The following CSMD1 variants were observed in gnomAD, a reference collection of about 807,000 sequenced individuals.
The protein encoded by CSMD1 is CUB and Sushi multiple domains 1.
CSMD1 carries 213 observed loss-of-function variants against 417.5 expected under a neutral mutation model. The ratio of observed to expected loss-of-function variants is 0.51; its 90% CI spans 0.46 to 0.57. CSMD1 has a LOEUF of 0.57. CSMD1 is among the 20% of genes least tolerant of loss of function. CSMD1 has a pLI of 0.00. For missense variants in CSMD1, 6,923 were observed against 4,529.7 expected, an observed-to-expected ratio of 1.53 and a Z score of -15.17; for synonymous variants, 2,862 against 1,736.8, an observed-to-expected ratio of 1.65 and a Z score of -16.11.
intron 8 of CSMD1, among the ~76,000 whole-genome samples, chr8:3,590,061 T>C (rs1335819080): frequency 1.3e-5 from 2 of 151,600 alleles, no homozygotes; most frequent in Admixed American, 1.3e-4. Flanking sequence ...CATCGCTTTA[T>C]AAAAGGCAAA....
At chr8:4,250,064 G>C (rs1256229455) in intron 3 of CSMD1, among the ~76,000 whole-genome samples, 2 of 152,168 alleles carry the variant, frequency 1.3e-5, no homozygotes, top group Admixed American at 6.5e-5. Context: ...GGCTCTCAGA[G>C]TGGGCTACCC....
At chr8:4,081,846 C>G (rs563295156) in intron 3 of CSMD1, among the ~76,000 whole-genome samples, 1 of 151,790 alleles carries the variant, frequency 6.6e-6, no homozygotes, top group Non-Finnish European at 1.5e-5. Flanking sequence ...AAGTTGAAAC[C>G]AAATAATTAG....
At chr8:3,861,761 C>A (rs1001261795) in intron 5 of CSMD1, among the ~76,000 whole-genome samples, 1 of 152,148 alleles carries the variant, frequency 6.6e-6, no homozygotes, top group Non-Finnish European at 1.5e-5. Flanking sequence ...AATATCCTAA[C>A]TTTTCTACTG....
chr8:4,622,373 G>A (rs138606891), intron 2 of CSMD1, among the ~76,000 whole-genome samples: 2 of 152,208 alleles, frequency 1.3e-5, no homozygotes, highest in African/African-American at 4.8e-5. Flanking sequence ...CAGCACGAGT[G>A]CCAGCTAATG....
At chr8:3,732,231 G>A (rs745616871) in intron 6 of CSMD1, among the ~76,000 whole-genome samples, 2 of 152,160 alleles carry the variant, frequency 1.3e-5, no homozygotes, top group South Asian at 2.1e-4. Context: ...AGTTTCGCCC[G>A]AGGCCACCCT....
At chr8:4,948,374 T>G (rs1262680392) in intron 1 of CSMD1, among the ~76,000 whole-genome samples, 1 of 152,064 alleles carries the variant, frequency 6.6e-6, no homozygotes, top group Admixed American at 6.5e-5. Flanking sequence ...GAATAATTGT[T>G]TATATATTCT....
chr8:3,952,102 G>A lies in CSMD1; in HGVS notation c.818+45801C>T, dbSNP rs529411393. Among the ~76,000 whole-genome samples the A allele has an allele frequency of 1.3e-3, 202 of 152,140 alleles. 1 individual carries two copies. Among genetic ancestry groups the A allele is most frequent in the Non-Finnish European group, 1.5e-3 (103 of 68,004 alleles). ...TAAAAATAAAAATCTTTAAATTTCCGACAGAAAGAACAAATTATTTAAGTA... is the reference window on the plus strand; with the variant it reads ...TAAAAATAAAAATCTTTAAATTTCCAACAGAAAGAACAAATTATTTAAGTA... On this transcript the variant is annotated intron_variant, in intron 5 of 69. Coordinates refer to ENST00000635120, the MANE Select transcript of CSMD1 (RefSeq NM_033225.6).
rs988892160 is a variant in CSMD1, at chr8:4,841,664, C to T, written c.85+152668G>A. 3.3e-5 allele frequency among the ~76,000 whole-genome samples: 5 copies of T among 152,024 alleles called. No individual in the cohort carries two copies. The East Asian group carries it at 5.8e-4, about 18-fold the overall frequency. On this transcript the variant is annotated intron_variant, in intron 1 of 69. Coordinates refer to ENST00000635120, the MANE Select transcript of CSMD1 (RefSeq NM_033225.6). ...GGTGGCTCACGCCTGTAATCCCAGCCGTTTGGGAGGCTGAGGCAGGCGGAT... is the reference window on the plus strand; with the variant it reads ...GGTGGCTCACGCCTGTAATCCCAGCTGTTTGGGAGGCTGAGGCAGGCGGAT...
intron 2 of CSMD1, among the ~76,000 whole-genome samples, chr8:4,441,095 G>GTTTTTATTTTTTTTTTTTTTTT (rs1798444278): frequency 1.9e-5 from 1 of 51,296 alleles, no homozygotes; most frequent in Non-Finnish European, 3.6e-5. Flanking sequence ...TAATCAAAAG[G>GTTTTTATTTTTTTTTTTTTTTT]TTTTTTTTTT....
intron 54 of CSMD1, among the ~76,000 whole-genome samples, chr8:2,993,993 A>AG (rs1468983206): frequency 6.6e-6 from 1 of 151,198 alleles, no homozygotes; most frequent in Non-Finnish European, 1.5e-5. Flanking sequence ...AAAAAAAAAA[A>AG]AAGAAAAAAA....
intron 10 of CSMD1, among the ~76,000 whole-genome samples, chr8:3,546,996 G>T (rs565816981): frequency 6.6e-6 from 1 of 152,190 alleles, no homozygotes; most frequent in African/African-American, 2.4e-5. Flanking sequence ...ACTGAACAGC[G>T]TCTCCCCTCC....
intron 18 of CSMD1, among the ~76,000 whole-genome samples, chr8:3,371,559 A>G (rs914480383): frequency 6.6e-6 from 1 of 151,960 alleles, no homozygotes; most frequent in African/African-American, 2.4e-5. Context: ...ATGAACTATC[A>G]TGAAGTAAAT....
chr8:4,205,497 G>T (rs145751239), intron 3 of CSMD1, among the ~76,000 whole-genome samples: 55 of 152,172 alleles, frequency 3.6e-4, no homozygotes, highest in African/African-American at 1.3e-3. Context: ...CAAGCCACTC[G>T]AGGTAACTAT....
intron 1 of CSMD1, among the ~76,000 whole-genome samples, chr8:4,690,267 T>C (rs1253453865): frequency 6.6e-6 from 1 of 152,188 alleles, no homozygotes; most frequent in Non-Finnish European, 1.5e-5. Flanking sequence ...TTCCCTTGCT[T>C]TCAATCCTGA....
At chr8:4,195,518 T>C (rs1199860538) in intron 3 of CSMD1, among the ~76,000 whole-genome samples, 1 of 152,206 alleles carries the variant, frequency 6.6e-6, no homozygotes, top group Non-Finnish European at 1.5e-5. Context: ...TATGATCCCC[T>C]GCTCTTGACT....
At chr8:4,132,492 A>C (rs922194000) in intron 3 of CSMD1, among the ~76,000 whole-genome samples, 1 of 152,182 alleles carries the variant, frequency 6.6e-6, no homozygotes, top group Non-Finnish European at 1.5e-5. Flanking sequence ...GGGTAGTATA[A>C]TACATTTTAT....
intron 4 of CSMD1, among the ~76,000 whole-genome samples, chr8:4,015,671 A>AC (rs1222634098): frequency 1.3e-5 from 2 of 150,810 alleles, no homozygotes; most frequent in African/African-American, 2.4e-5. Context: ...TAAAAAAAAA[A>AC]AAAAAAAAAA....
rs540792067 is a variant in CSMD1 at position 4,596,182 on chromosome 8, T to G, written c.302+41160A>C. On this transcript the variant is annotated intron_variant, in intron 2 of 69. Coordinates refer to ENST00000635120, the MANE Select transcript of CSMD1 (RefSeq NM_033225.6). ...TAAGTCTGGAATAATATATACCCACTGACATCAAGTAAGTTTGGTTTTGGT... is the reference window on the plus strand; with the variant it reads ...TAAGTCTGGAATAATATATACCCACGGACATCAAGTAAGTTTGGTTTTGGT... Among the ~76,000 whole-genome samples, 130 of 152,242 alleles carry G rather than the reference T, an allele frequency of 8.5e-4. 1 individual carries two copies. The highest frequency in any genetic ancestry group is 6.8e-3 in the Middle Eastern group (2 of 294).
intron 2 of CSMD1, among the ~76,000 whole-genome samples, chr8:4,500,266 C>T (rs141435159): frequency 2.1e-4 from 32 of 152,228 alleles, no homozygotes; most frequent in African/African-American, 7.5e-4. Context: ...AGAAATGGAT[C>T]GTCAGCGAGT....
Sources: allele counts gnomAD v4.1 joint callset (sites outside exome capture counted in the v4.1 genomes callset), GRCh38; gene constraint gnomAD v4.1.1; transcripts MANE v1.5; gene names NCBI Gene and HGNC (gene_info 2026-07-23, HGNC 2026-07-21).